HIBCH: variants seen among roughly 807,000 people sequenced by gnomAD.
HIBCH encodes the protein 3-hydroxyisobutyryl-CoA hydrolase, mitochondrial.
HIBCH carries 50 observed loss-of-function variants against 58.2 expected under a neutral mutation model. That is an observed-to-expected ratio of 0.86 (90% CI 0.68 to 1.09). The LOEUF (loss-of-function observed/expected upper bound fraction) is 1.09. Among genes scored for constraint, HIBCH ranks in the 50% least tolerant of loss-of-function variants. The pLI, the probability that HIBCH is intolerant of heterozygous loss-of-function variation, is 0.00. For synonymous variants in HIBCH, 151 were observed against 146.9 expected, an observed-to-expected ratio of 1.03 and a Z score of -0.20; for missense variants, 450 against 449.7, an observed-to-expected ratio of 1.00 and a Z score of -0.01.
chr2:190,265,642 T>C (rs1008862376), intron 6 of HIBCH, among the ~76,000 whole-genome samples: 1 of 152,204 alleles, frequency 6.6e-6, no homozygotes, highest in Admixed American at 6.5e-5. Context: ...ATTTTGCTTA[T>C]GGTACATTTA....
Position 190,204,824 on chromosome 2 carries a change from A to G in HIBCH, c.*293T>C. 3.4e-6 allele frequency: 1 copy of G among 293,036 alleles called. No homozygotes were observed. Among genetic ancestry groups the G allele is most frequent in the Non-Finnish European group, 6.4e-6 (1 of 155,740 alleles). The allele number at this position is 293,036 out of a possible 1,614,324, so 18.2% of individuals were successfully genotyped here. A position where few individuals can be genotyped will look rare whatever the true frequency, so the allele number is the denominator to read the frequency against. Reference sequence around the variant, plus strand: ...TTTTCTGACAAAAACCAGACAGTAAATAATTAGGCTTTGTAGGCTTTACCA... The same window carrying G: ...TTTTCTGACAAAAACCAGACAGTAAGTAATTAGGCTTTGTAGGCTTTACCA... On this transcript the variant is annotated 3_prime_UTR_variant, in exon 14 of 14. Transcript: ENST00000359678.
chr2:190,240,286 G>T (rs577665737), intron 11 of HIBCH, among the ~76,000 whole-genome samples: 1 of 152,136 alleles, frequency 6.6e-6, no homozygotes, highest in Non-Finnish European at 1.5e-5. Context: ...TTTATTTGTG[G>T]AGAGGTGTTT....
At chr2:190,316,342 G>C (rs1688709910) in intron 1 of HIBCH, among the ~76,000 whole-genome samples, 1 of 152,056 alleles carries the variant, frequency 6.6e-6, no homozygotes, top group African/African-American at 2.4e-5. Flanking sequence ...GCCCAGGCTG[G>C]TCTCAAATTC....
downstream of HIBCH, chr2:190,200,033 T>C (rs1399143395): frequency 3.7e-6 from 6 of 1,614,092 alleles, no homozygotes; most frequent in African/African-American, 6.7e-5. Flanking sequence ...AATACTGTGA[T>C]CTTGGAATAT....
rs146588702 is a variant in HIBCH at position 190,294,660 on chromosome 2, G to C, written c.220-30C>G. The C allele has an allele frequency of 6.2e-6, 9 of 1,452,916 alleles. No homozygotes were observed. The African/African-American group carries it at 1.1e-4, about 18-fold the overall frequency. 90.0% of individuals were successfully genotyped at this position (1,452,916 alleles called of 1,614,324 possible). A position where few individuals can be genotyped will look rare whatever the true frequency, so the allele number is the denominator to read the frequency against. ...TCAAATGTAACAGAAGATGGTATAA[G>C]CATATTATAAACACAAACTCATTAA... is the stretch of plus-strand genomic sequence containing the variant. On this transcript the variant is annotated intron_variant, in intron 3 of 13. Transcript: ENST00000359678.
At chr2:190,238,345 CT>C (rs1411950356) in intron 11 of HIBCH, among the ~76,000 whole-genome samples, 1 of 152,180 alleles carries the variant, frequency 6.6e-6, no homozygotes, top group African/African-American at 2.4e-5. Context: ...TGTTTCCAGA[CT>C]TTTTAATGAT....
intron 6 of HIBCH, among the ~76,000 whole-genome samples, chr2:190,283,312 C>T (rs1275846046): frequency 1.3e-5 from 2 of 152,124 alleles, no homozygotes; most frequent in Admixed American, 1.3e-4. Context: ...TTCTGCCAAA[C>T]CACTCACCCC....
intron 11 of HIBCH, among the ~76,000 whole-genome samples, chr2:190,238,970 T>C (rs562343051): frequency 2.6e-5 from 4 of 152,354 alleles, no homozygotes; most frequent in Admixed American, 1.3e-4. Flanking sequence ...TTTAGTTTAA[T>C]TAGATCCTAT....
At chr2:190,250,654 A>C (rs1445007332) in intron 8 of HIBCH, 2 of 182,256 alleles carry the variant, frequency 1.1e-5, no homozygotes, top group South Asian at 1.2e-4. Flanking sequence ...GAAGCATGAG[A>C]CTACTCAATG....
chr2:190,208,074 G>GA lies in HIBCH; in HGVS notation c.1045+805dup, dbSNP rs754906779. Among the ~76,000 whole-genome samples, 10 of 152,262 alleles carry GA rather than the reference G, an allele frequency of 6.6e-5. No individual in the cohort carries two copies. The East Asian group carries it at 7.7e-4, about 12-fold the overall frequency. On this transcript the variant is annotated intron_variant, in intron 13 of 13. Transcript: ENST00000359678. The stretch of plus-strand genomic sequence containing the variant: ...AAAAGGAATTGTTGCAAGTATGCTA[G>GA]AAAAAACAGTCAAGCACGTCAAGCA...
chr2:190,210,162 T>C lies in HIBCH; in HGVS notation c.1012-1249A>G, dbSNP rs1337269835. 1.3e-5 allele frequency among the ~76,000 whole-genome samples: 2 copies of C among 152,114 alleles called. No individual in the cohort carries two copies. The highest frequency in any genetic ancestry group is 4.8e-5 in the African/African-American group (2 of 41,450). The stretch of plus-strand genomic sequence containing the variant: ...TTCATCTACACATATTCTCTCCACT[T>C]CTTCACATCCCATTTTTCCTCTCCA... On this transcript the variant is annotated intron_variant, in intron 12 of 13. Coordinates refer to ENST00000359678, the MANE Select transcript of HIBCH (RefSeq NM_014362.4). This position sits in a 1 kb window ranked among gnomAD's most constrained non-coding sequence, Gnocchi z 5.5.
chr2:190,305,129 T>C (rs999019087), intron 2 of HIBCH, among the ~76,000 whole-genome samples: 3 of 152,020 alleles, frequency 2.0e-5, no homozygotes, highest in African/African-American at 7.3e-5. Context: ...GAGGAACCAG[T>C]TAAGAGATTA....
chr2:190,190,710 G>A (rs1180295521), intron 1 of HIBCH, among the ~76,000 whole-genome samples: 1 of 152,054 alleles, frequency 6.6e-6, no homozygotes. Context: ...ACTAAGCACT[G>A]GGGTTTTTTA....
intron 6 of HIBCH, among the ~76,000 whole-genome samples, chr2:190,285,837 G>C (rs1363305099): frequency 6.6e-6 from 1 of 151,934 alleles, no homozygotes; most frequent in Non-Finnish European, 1.5e-5. Flanking sequence ...TCTTCTGAAA[G>C]TATGTCTTTT....
intron 6 of HIBCH, among the ~76,000 whole-genome samples, chr2:190,262,229 C>T (rs921160237): frequency 6.7e-6 from 1 of 148,394 alleles, no homozygotes; most frequent in Non-Finnish European, 1.5e-5. Flanking sequence ...CTGTACAAGA[C>T]AGAAAACAAA....
intron 2 of HIBCH, among the ~76,000 whole-genome samples, chr2:190,303,693 C>G (rs142325353): frequency 6.6e-6 from 1 of 152,128 alleles, no homozygotes; most frequent in African/African-American, 2.4e-5. Flanking sequence ...TGTCCCCTCA[C>G]CTTTTGAGTT....
chr2:190,264,078 C>T (rs905337769), intron 6 of HIBCH, among the ~76,000 whole-genome samples: 58 of 152,074 alleles, frequency 3.8e-4, no homozygotes, highest in African/African-American at 1.2e-3. Flanking sequence ...AGTCAAAGCA[C>T]GCTTATTAAA....
chr2:190,231,380 GATC>G (rs1232385902), intron 11 of HIBCH, among the ~76,000 whole-genome samples: 2 of 152,086 alleles, frequency 1.3e-5, no homozygotes, highest in Admixed American at 6.6e-5. Flanking sequence ...AAAAACATTT[GATC>G]ATCAAAAATT....
chr2:190,235,679 C>A (rs774637224), intron 11 of HIBCH, among the ~76,000 whole-genome samples: 13 of 152,218 alleles, frequency 8.5e-5, no homozygotes, highest in Admixed American at 6.5e-4. Flanking sequence ...TTGCTCTGCA[C>A]TTTCCAAACA....
Sources: gnomAD v4.1 joint callset for allele counts (sites outside exome capture counted in the v4.1 genomes callset) on GRCh38, gnomAD v4.1.1 for gene constraint, Gnocchi (gnomAD v3.1) non-coding constraint, MANE v1.5 for transcripts, NCBI Gene and HGNC (gene_info 2026-07-23, HGNC 2026-07-21) for gene names.